Variants in CCDC69 observed in about 807,000 individuals in gnomAD.
CCDC69 encodes coiled-coil domain containing 69, also known as coiled-coil domain-containing protein 69.
Under a neutral mutation model 40.3 loss-of-function variants are expected in CCDC69, and 38 were observed. That is an observed-to-expected ratio of 0.94 (90% CI 0.73 to 1.24). The LOEUF (loss-of-function observed/expected upper bound fraction) is 1.24. Ranked by LOEUF, CCDC69 falls within the 50% of genes most tolerant of loss-of-function variation. CCDC69 has a pLI of 0.00. For synonymous variants in CCDC69, 141 were observed against 138.9 expected, an observed-to-expected ratio of 1.02 and a Z score of -0.11; for missense variants, 389 against 357.9, an observed-to-expected ratio of 1.09 and a Z score of -0.70.
intron 1 of CCDC69, among the ~76,000 whole-genome samples, chr5:151,216,216 C>T (rs935151701): frequency 6.6e-6 from 1 of 152,112 alleles, no homozygotes; most frequent in African/African-American, 2.4e-5. Flanking sequence ...GCCTTAGCCT[C>T]CCAAAGTGCT....
chr5:151,223,162 G>A (rs73796638), intron 1 of CCDC69, among the ~76,000 whole-genome samples: 17,475 of 152,212 alleles, frequency 0.11, 1,103 homozygotes, highest in African/African-American at 0.15. Context: ...TTCTGGGCTC[G>A]TCAGACCCCA....
At chr5:151,210,421 C>G (rs11740728) in intron 1 of CCDC69, among the ~76,000 whole-genome samples, 19,290 of 151,934 alleles carry the variant, frequency 0.13, 1,362 homozygotes, top group Middle Eastern at 0.23. Context: ...GCATGCGCCT[C>G]TAACCCCAGC....
intron 4 of CCDC69, among the ~76,000 whole-genome samples, chr5:151,194,994 A>T (rs248447): frequency 0.43 from 65,163 of 151,732 alleles, 15,842 homozygotes; most frequent in Admixed American, 0.55. Flanking sequence ...TTTAAAAAAT[A>T]AAAAAAAGAC....
intron 1 of CCDC69, among the ~76,000 whole-genome samples, chr5:151,215,055 T>A (rs1237274440): frequency 2.0e-5 from 3 of 152,206 alleles, no homozygotes; most frequent in Admixed American, 2.0e-4. Context: ...GCACTAGACA[T>A]TATTTCTAGC....
Position 151,183,577 on chromosome 5 carries a change from G to A in CCDC69, c.751C>T (p.Leu251=), listed in dbSNP as rs772672107. 6.2e-7 allele frequency: 1 copy of A among 1,612,682 alleles called. No individual in the cohort carries two copies. Among genetic ancestry groups the A allele is most frequent in the South Asian group, 1.1e-5 (1 of 90,482 alleles). Residue 251 remains leucine (L), a synonymous_variant, in exon 9 of 9, where the codon CTG becomes TTG. Transcript: ENST00000355417. ...SEDLLLTREA[L]EKEVQLRRQL... is the part of the protein sequence containing the mutation. ...CGCCGCAGCTGCACCTCCTTCTCCA[G>A]GGCCTCACGCGTGAGAAGCAGGTCT...
chr5:151,214,121 TC>T lies in CCDC69; in HGVS notation c.49-8647del, dbSNP rs1752996775. ...ACTCACAGCTGAGGCTAGAGTCCTT[TC>T]CGTCCCCCTGATGCCAGGGTCAGCT... On this transcript the variant is annotated intron_variant, in intron 1 of 8. Coordinates refer to ENST00000355417, the MANE Select transcript of CCDC69 (RefSeq NM_015621.3). Among the ~76,000 whole-genome samples the T allele has an allele frequency of 2.0e-5, 3 of 152,226 alleles. No homozygotes were observed. In the South Asian group the frequency reaches 6.2e-4, roughly 32 times the overall value.
rs760684238 is a variant in CCDC69 at position 151,187,421 on chromosome 5, T to A, written c.358A>T (p.Thr120Ser). The change falls in exon 5 of 9, where the codon ACC becomes TCC. Residue 120 changes from threonine (T) to serine (S), a missense_variant. Thr to Ser is a moderately conservative substitution (Grantham distance 58, BLOSUM62 1). Coordinates refer to ENST00000355417, the MANE Select transcript of CCDC69 (RefSeq NM_015621.3). ...GAACTGGCCTCCCGGAAAGAGTGGG[T>A]AAGCGCTTCTTTCTCCTGTTCATAT... Reference protein sequence around the residue: ...ASYEQEKEALTHSFREASSTQ... With the variant: ...ASYEQEKEALSHSFREASSTQ... 6.2e-7 allele frequency: 1 copy of A among 1,614,092 alleles called. No homozygotes were observed. The highest frequency in any genetic ancestry group is 1.1e-5 in the South Asian group (1 of 91,076).
At chr5:151,208,037 A>G (rs1752877313) in intron 1 of CCDC69, among the ~76,000 whole-genome samples, 1 of 152,166 alleles carries the variant, frequency 6.6e-6, no homozygotes, top group African/African-American at 2.4e-5. Context: ...AATCATTTGC[A>G]GTCAGGAGTT....
rs1232230071 is a variant in CCDC69 at position 151,188,303 on chromosome 5, A to G, written c.320-844T>C. Among the ~76,000 whole-genome samples, 3 of 152,210 alleles carry G rather than the reference A, an allele frequency of 2.0e-5. No individual in the cohort carries two copies. In the East Asian group the frequency reaches 5.8e-4, roughly 29 times the overall value. On this transcript the variant is annotated intron_variant, in intron 4 of 8. Transcript: ENST00000355417. ...CCAAAGAGCCAGGTATCTGGCAGTG[A>G]TGAAAAAAATAATGTTCAAGGCCGG... is the stretch of plus-strand genomic sequence containing the variant.
intron 1 of CCDC69, among the ~76,000 whole-genome samples, chr5:151,220,236 C>T (rs1398438392): frequency 1.3e-5 from 2 of 152,208 alleles, no homozygotes; most frequent in Admixed American, 1.3e-4. Context: ...CCTTCAAAGG[C>T]ATCCTTCTTG....
chr5:151,206,431 C>A (rs1752853863), intron 1 of CCDC69, among the ~76,000 whole-genome samples: 1 of 152,204 alleles, frequency 6.6e-6, no homozygotes, highest in Non-Finnish European at 1.5e-5. Context: ...TAGTCCCTCT[C>A]CCCTCCCCAG....
Position 151,223,908 on chromosome 5 carries a change from G to T in CCDC69, c.48+15C>A, listed in dbSNP as rs201499330. The T allele has an allele frequency of 6.3e-7, 1 of 1,588,512 alleles. No homozygotes were observed. The highest frequency in any genetic ancestry group is 8.6e-7 in the Non-Finnish European group (1 of 1,169,140). Reference sequence around the variant, plus strand: ...CTCTCCTCTGAAAGCAAACTTCTCCGCCGGCGCCCTTTACCTTTTTCGGGG... The same window carrying T: ...CTCTCCTCTGAAAGCAAACTTCTCCTCCGGCGCCCTTTACCTTTTTCGGGG... On this transcript the variant is annotated intron_variant, in intron 1 of 8. Transcript: ENST00000355417.
chr5:151,199,929 G>T (rs962440342), intron 3 of CCDC69, among the ~76,000 whole-genome samples: 23 of 152,098 alleles, frequency 1.5e-4, no homozygotes, highest in Admixed American at 1.5e-3. Context: ...ATGTGTGTGG[G>T]GGCACTTGCC....
intron 4 of CCDC69, among the ~76,000 whole-genome samples, chr5:151,192,087 G>GAAAAAAAAAAAAAAAAAAAAAAAAGAA (rs34310340): frequency 7.7e-5 from 3 of 38,800 alleles, no homozygotes; most frequent in African/African-American, 1.2e-4. Context: ...CCTGTCTCAG[G>GAAAAAAAAAAAAAAAAAAAAAAAAGAA]AAAAAAAAAA....
At chr5:151,196,720 TAAC>T (rs1393575098) in intron 4 of CCDC69, among the ~76,000 whole-genome samples, 1 of 152,110 alleles carries the variant, frequency 6.6e-6, no homozygotes, top group Admixed American at 6.5e-5. Context: ...TTGCAGAAAA[TAAC>T]AAGTGTTGAA....
chr5:151,191,070 T>A (rs1752605204), intron 4 of CCDC69, among the ~76,000 whole-genome samples: 1 of 149,272 alleles, frequency 6.7e-6, no homozygotes, highest in African/African-American at 2.5e-5. Context: ...TGCATGTGTG[T>A]CCTGAATCTA....
chr5:151,183,724 T>A, intron 8 of CCDC69, 110 bp from the exon 9 acceptor site: 1 of 936,872 alleles, frequency 1.1e-6, no homozygotes. Context: ...TGCTGCAGGG[T>A]CCCCACTGCC....
chr5:151,204,795 G>A (rs1445129774), intron 2 of CCDC69, among the ~76,000 whole-genome samples: 1 of 151,866 alleles, frequency 6.6e-6, no homozygotes. Flanking sequence ...CAAGTTAGAA[G>A]GTTCCCACAT....
At chr5:151,195,530 C>T (rs1220501026) in intron 4 of CCDC69, among the ~76,000 whole-genome samples, 1 of 151,940 alleles carries the variant, frequency 6.6e-6, no homozygotes, top group Admixed American at 6.6e-5. Flanking sequence ...ACCAGCCTGG[C>T]CAACATGGTG....
Sources: gnomAD v4.1 joint callset for allele counts (sites outside exome capture counted in the v4.1 genomes callset) on GRCh38, gnomAD v4.1.1 for gene constraint, MANE v1.5 for transcripts, NCBI Gene and HGNC (gene_info 2026-07-23, HGNC 2026-07-21) for gene names.